SPIRE1: variants seen among roughly 807,000 people sequenced by gnomAD.
SPIRE1 encodes spire type actin nucleation factor 1, also known as protein spire homolog 1.
A neutral mutation model predicts 94.1 loss-of-function variants in SPIRE1; 40 were observed. That is an observed-to-expected ratio of 0.43 (90% CI 0.33 to 0.55). SPIRE1 has a LOEUF of 0.55. Among genes scored for constraint, SPIRE1 ranks in the 20% least tolerant of loss-of-function variants. SPIRE1 has a pLI of 0.06. For synonymous variants in SPIRE1, 376 were observed against 371.7 expected (o/e 1.01, Z -0.13); for missense variants, 838 against 975.2 (o/e 0.86, Z 1.87).
intron 2 of SPIRE1, among the ~76,000 whole-genome samples, chr18:12,600,617 A>C (rs1295521403): frequency 6.6e-6 from 1 of 152,184 alleles, no homozygotes; most frequent in Non-Finnish European, 1.5e-5. Flanking sequence ...GTGAGTTGGC[A>C]CTGTAAGGAA....
chr18:12,595,981 T>A (rs1369807421), intron 2 of SPIRE1, among the ~76,000 whole-genome samples: 1 of 152,208 alleles, frequency 6.6e-6, no homozygotes, highest in Non-Finnish European at 1.5e-5. Flanking sequence ...ACAAACTAGA[T>A]TTACAATGCA....
chr18:12,465,107 G>T, intron 10 of SPIRE1, 149 bp from the exon 11 acceptor site: 4 of 658,310 alleles, frequency 6.1e-6, no homozygotes, highest in Non-Finnish European at 1.1e-5. Context: ...ACTAGAAGGG[G>T]TTTCAAACAA....
intron 2 of SPIRE1, among the ~76,000 whole-genome samples, chr18:12,625,149 A>T (rs911583813): frequency 6.6e-6 from 1 of 152,066 alleles, no homozygotes; most frequent in Non-Finnish European, 1.5e-5. Context: ...CTAAGTGGAG[A>T]TTATCTATTC....
At chr18:12,498,900 G>A (rs1189106426) in intron 6 of SPIRE1, among the ~76,000 whole-genome samples, 2 of 152,154 alleles carry the variant, frequency 1.3e-5, no homozygotes, top group Non-Finnish European at 2.9e-5. Context: ...GATTACAGGT[G>A]TAATCCCAAC....
chr18:12,490,421 C>T (rs1056808554), intron 8 of SPIRE1, among the ~76,000 whole-genome samples: 1 of 152,160 alleles, frequency 6.6e-6, no homozygotes, highest in Non-Finnish European at 1.5e-5. Flanking sequence ...ATGCCAATCC[C>T]TCTCAAGCTC....
intron 10 of SPIRE1, among the ~76,000 whole-genome samples, chr18:12,476,356 T>C (rs2032574909): frequency 1.3e-5 from 2 of 151,770 alleles, no homozygotes; most frequent in East Asian, 1.9e-4. Context: ...CTGGCCAACA[T>C]GGTGAAACCC....
intron 4 of SPIRE1, among the ~76,000 whole-genome samples, chr18:12,515,890 T>C (rs908174861): frequency 2.0e-5 from 3 of 152,144 alleles, no homozygotes; most frequent in Non-Finnish European, 4.4e-5. Flanking sequence ...ATTTCAACAT[T>C]TCCCTCTGCT....
rs201199442 is a variant in SPIRE1, at chr18:12,593,964, AAT to A, written c.372+41096_372+41097del. On this transcript the variant is annotated intron_variant, in intron 2 of 16. Transcript: ENST00000409402. ...AAACGCTGTCTCAAGAAAAAAAAAA[AAT>A]AAGAAGAAGAAAGCATGCAATTAAA... 8.6e-3 allele frequency among the ~76,000 whole-genome samples: 1,313 copies of A among 151,838 alleles called. 25 individuals are homozygous for A. The highest frequency in any genetic ancestry group is 0.029 in the African/African-American group (1,209 of 41,330).
intron 9 of SPIRE1, among the ~76,000 whole-genome samples, chr18:12,483,885 A>T (rs2032938384): frequency 1.3e-5 from 2 of 152,232 alleles, no homozygotes; most frequent in African/African-American, 4.8e-5. Context: ...AATGAAAAAC[A>T]TAAAAGCAGC....
chr18:12,549,436 G>GTTTTTTTTTTTTTTT (rs1345452411), intron 2 of SPIRE1, among the ~76,000 whole-genome samples: 47 of 51,936 alleles, frequency 9.0e-4, no homozygotes, highest in Middle Eastern at 0.014. Flanking sequence ...TTTTGTTATT[G>GTTTTTTTTTTTTTTT]TTGTTTTTTT....
In SPIRE1 at chr18:12,449,538, G is replaced by A; in HGVS notation, c.*100C>T. On this transcript the variant is annotated 3_prime_UTR_variant, in exon 17 of 17. Transcript: ENST00000409402. ...AAAATCTGATCTAATGCAAATTCAAGCCCATTAAATAAAACCACAGAAAGG... is the reference window on the plus strand; with the variant it reads ...AAAATCTGATCTAATGCAAATTCAAACCCATTAAATAAAACCACAGAAAGG... 1 of 1,219,986 alleles carries A rather than the reference G, an allele frequency of 8.2e-7. No homozygotes were observed. Among genetic ancestry groups the A allele is most frequent in the Non-Finnish European group, 1.1e-6 (1 of 882,010 alleles). 75.6% of individuals were successfully genotyped at this position (1,219,986 alleles called of 1,614,324 possible). A position where few individuals can be genotyped will look rare whatever the true frequency, so the allele number is the denominator to read the frequency against.
At chr18:12,490,211 A>G (rs1203141890) in intron 8 of SPIRE1, among the ~76,000 whole-genome samples, 3 of 152,216 alleles carry the variant, frequency 2.0e-5, no homozygotes, top group Non-Finnish European at 2.9e-5. Context: ...AAATAAAGAC[A>G]TACTTAACAT....
chr18:12,538,298 A>G (rs1055079072), intron 3 of SPIRE1, among the ~76,000 whole-genome samples: 1 of 152,208 alleles, frequency 6.6e-6, no homozygotes, highest in African/African-American at 2.4e-5. Flanking sequence ...AAAAAGAGAC[A>G]TCAGGGGTTA....
chr18:12,560,073 T>A (rs569752440), intron 2 of SPIRE1, among the ~76,000 whole-genome samples: 7 of 152,246 alleles, frequency 4.6e-5, no homozygotes, highest in Non-Finnish European at 1.0e-4. Context: ...GGCTTCTATC[T>A]AAAAGGCAAT....
At chr18:12,649,042 G>A (rs1480727876) in intron 1 of SPIRE1, among the ~76,000 whole-genome samples, 1 of 152,038 alleles carries the variant, frequency 6.6e-6, no homozygotes, top group African/African-American at 2.4e-5. Context: ...TAACATTTAG[G>A]GGAACTGGGT....
intron 12 of SPIRE1, 76 bp from the exon 13 acceptor site, chr18:12,454,559 G>T: frequency 7.3e-7 from 1 of 1,370,280 alleles, no homozygotes. Flanking sequence ...CTTCAGATCA[G>T]ACCCCTGATT....
intron 2 of SPIRE1, among the ~76,000 whole-genome samples, chr18:12,587,067 A>T (rs936754709): frequency 1.3e-5 from 2 of 152,210 alleles, no homozygotes; most frequent in African/African-American, 4.8e-5. Flanking sequence ...AGTAGGTATT[A>T]TTCTTACCCT....
chr18:12,614,104 A>T (rs1426301327), intron 2 of SPIRE1, among the ~76,000 whole-genome samples: 2 of 152,100 alleles, frequency 1.3e-5, no homozygotes, highest in South Asian at 2.1e-4. Context: ...TACAAAAAAT[A>T]AAAAAATTAG....
intron 1 of SPIRE1, among the ~76,000 whole-genome samples, chr18:12,652,196 C>T (rs2038397982): frequency 2.0e-5 from 3 of 152,154 alleles, no homozygotes; most frequent in Admixed American, 2.0e-4. Flanking sequence ...TAGACTATAA[C>T]CTAAACTGCA....
Sources: gnomAD v4.1 joint callset for allele counts (sites outside exome capture counted in the v4.1 genomes callset) on GRCh38, gnomAD v4.1.1 for gene constraint, MANE v1.5 for transcripts, NCBI Gene and HGNC (gene_info 2026-07-23, HGNC 2026-07-21) for gene names.